Variants in ATP8A2 observed in about 807,000 individuals in gnomAD.
ATP8A2 encodes phospholipid-transporting ATPase IB.
In ATP8A2, 100 loss-of-function variants were observed where a neutral mutation model predicts 165.6. The observed-to-expected ratio is 0.60, with a 90% confidence interval of 0.51 to 0.71. The LOEUF is 0.71. Among genes scored for constraint, ATP8A2 ranks in the 30% least tolerant of loss-of-function variants. The pLI, the probability that ATP8A2 is intolerant of heterozygous loss-of-function variation, is 0.00. For missense variants in ATP8A2, 1,227 were observed against 1,479.5 expected (o/e 0.83, Z 2.80); for synonymous variants, 543 against 548.8 (o/e 0.99, Z 0.15).
chr13:25,436,141 CA>C (rs1156381572), intron 1 of ATP8A2, among the ~76,000 whole-genome samples: 14 of 151,424 alleles, frequency 9.2e-5, no homozygotes, highest in South Asian at 4.2e-4. Context: ...ATTTTAGACT[CA>C]GGGGGTACAT....
At chr13:25,390,924 C>CAA (rs201934356) in intron 1 of ATP8A2, among the ~76,000 whole-genome samples, 9 of 116,150 alleles carry the variant, frequency 7.7e-5, no homozygotes, top group Non-Finnish European at 1.1e-4. Context: ...GACTCCGTCT[C>CAA]AAAAAAAAAA....
intron 24 of ATP8A2, among the ~76,000 whole-genome samples, chr13:25,670,321 C>A (rs574956167): frequency 2.6e-5 from 4 of 152,124 alleles, no homozygotes; most frequent in African/African-American, 4.8e-5. Flanking sequence ...TGCTGTTATT[C>A]AGGCAGCCTT....
intron 24 of ATP8A2, among the ~76,000 whole-genome samples, chr13:25,686,843 G>A (rs2042611815): frequency 6.6e-6 from 1 of 151,792 alleles, no homozygotes; most frequent in Non-Finnish European, 1.5e-5. Flanking sequence ...AACCCTGCTT[G>A]GTTTTCATCC....
intron 2 of ATP8A2, among the ~76,000 whole-genome samples, chr13:25,498,291 T>C (rs929316627): frequency 1.3e-5 from 2 of 152,238 alleles, no homozygotes; most frequent in African/African-American, 4.8e-5. Flanking sequence ...GATTTTCAGA[T>C]AGTGGATTCT....
At chr13:25,556,910 CT>C (rs1002887407) in intron 13 of ATP8A2, among the ~76,000 whole-genome samples, 26 of 152,308 alleles carry the variant, frequency 1.7e-4, no homozygotes, top group African/African-American at 6.0e-4. Flanking sequence ...CATTATCCCT[CT>C]GTGAAAATGC....
chr13:25,443,618 A>C (rs1444352705), intron 1 of ATP8A2, among the ~76,000 whole-genome samples: 1 of 152,264 alleles, frequency 6.6e-6, no homozygotes, highest in African/African-American at 2.4e-5. Flanking sequence ...AGCCATTTAC[A>C]TGGGCAATGC....
chr13:25,637,093 A>AAAC, intron 24 of ATP8A2, among the ~76,000 whole-genome samples: 1 of 872 alleles, frequency 1.1e-3, no homozygotes, highest in African/African-American at 2.7e-3. Flanking sequence ...ACCCTGTCTC[A>AAAC]AAAAAAAAAA....
chr13:25,399,418 A>G (rs1244970480), intron 1 of ATP8A2, among the ~76,000 whole-genome samples: 1 of 2,596 alleles, frequency 3.9e-4, no homozygotes, highest in Non-Finnish European at 3.2e-3. Flanking sequence ...TTTTTTTTTG[A>G]GACGGAGTTT....
chr13:26,000,640 C>T (rs1349305656), intron 35 of ATP8A2, among the ~76,000 whole-genome samples: 3 of 141,842 alleles, frequency 2.1e-5, no homozygotes, highest in Non-Finnish European at 1.5e-5. Context: ...GTAATGTCTA[C>T]ACAACACCTT....
chr13:25,980,262 C>G (rs981287896), intron 35 of ATP8A2, among the ~76,000 whole-genome samples: 5 of 152,138 alleles, frequency 3.3e-5, no homozygotes, highest in Admixed American at 2.6e-4. Context: ...GTGCTTCCCA[C>G]TGAAAGGTAG....
chr13:25,866,957 G>A (rs1263609865), intron 33 of ATP8A2, among the ~76,000 whole-genome samples: 6 of 152,092 alleles, frequency 3.9e-5, no homozygotes, highest in Admixed American at 3.9e-4. Flanking sequence ...ATTACACCAC[G>A]AGACATGAAA....
chr13:26,023,684 A>G lies in ATP8A2; in HGVS notation c.*3699A>G, dbSNP rs951697284. On this transcript the variant is annotated 3_prime_UTR_variant, in exon 37 of 37. Transcript: ENST00000381655. ...CTCTGTTCCAAGGGATTTATGTCTTAGACCATAGCTGAATTGAATGTTTGC... is the reference window on the plus strand; with the variant it reads ...CTCTGTTCCAAGGGATTTATGTCTTGGACCATAGCTGAATTGAATGTTTGC... 3 of 152,228 alleles carry G rather than the reference A, an allele frequency of 2.0e-5. No individual in the cohort carries two copies. Among genetic ancestry groups the G allele is most frequent in the Admixed American group, 1.3e-4 (2 of 15,274 alleles). 9.4% of individuals were successfully genotyped at this position (152,228 alleles called of 1,614,324 possible).
chr13:25,942,953 T>A (rs1955110756), intron 33 of ATP8A2, among the ~76,000 whole-genome samples: 1 of 152,166 alleles, frequency 6.6e-6, no homozygotes, highest in African/African-American at 2.4e-5. Flanking sequence ...CCCCTGTCCA[T>A]GGACAGGGCA....
intron 25 of ATP8A2, among the ~76,000 whole-genome samples, chr13:25,768,558 T>A (rs118050062): frequency 0.011 from 1,669 of 152,256 alleles, 16 homozygotes; most frequent in Non-Finnish European, 0.015. Flanking sequence ...CAGCCTTCTT[T>A]CTGCACTTTA....
intron 2 of ATP8A2, among the ~76,000 whole-genome samples, chr13:25,504,746 C>CAAAAAA (rs34066777): frequency 2.4e-5 from 2 of 84,798 alleles, no homozygotes; most frequent in Non-Finnish European, 2.1e-5. Context: ...GACTCCGTCT[C>CAAAAAA]AAAAAAAAAA....
intron 2 of ATP8A2, chr13:25,517,239 AAAG>A (rs1032568559): frequency 2.6e-4 from 40 of 152,310 alleles, no homozygotes; most frequent in African/African-American, 9.6e-4. Flanking sequence ...GTTAAAAAAA[AAAG>A]AAAGAATAAA....
chr13:25,902,767 T>C (rs773560536), intron 33 of ATP8A2, among the ~76,000 whole-genome samples: 5 of 152,138 alleles, frequency 3.3e-5, no homozygotes, highest in Non-Finnish European at 5.9e-5. Flanking sequence ...ACCCGTCTTA[T>C]AGTGACCCCA....
intron 1 of ATP8A2, among the ~76,000 whole-genome samples, chr13:25,444,327 T>A (rs908957472): frequency 2.6e-5 from 4 of 152,362 alleles, no homozygotes; most frequent in African/African-American, 9.6e-5. Context: ...GCTTCCTTTT[T>A]TTTTCTGCTA....
intron 33 of ATP8A2, among the ~76,000 whole-genome samples, chr13:25,883,839 G>T (rs190811950): frequency 1.3e-5 from 2 of 152,278 alleles, no homozygotes; most frequent in East Asian, 3.9e-4. Context: ...TGCAAGTCAG[G>T]GTCATGCAGG....
Sources: gnomAD v4.1 joint callset for allele counts (sites outside exome capture counted in the v4.1 genomes callset) on GRCh38, gnomAD v4.1.1 for gene constraint, MANE v1.5 for transcripts, NCBI Gene and HGNC (gene_info 2026-07-23, HGNC 2026-07-21) for gene names.